PPP4R2: variants seen among roughly 807,000 people sequenced by gnomAD.
PPP4R2 encodes serine/threonine-protein phosphatase 4 regulatory subunit 2.
In PPP4R2, 13 loss-of-function variants were observed where a neutral mutation model predicts 47.2. The observed-to-expected ratio is 0.28, with a 90% confidence interval of 0.18 to 0.44. The LOEUF (loss-of-function observed/expected upper bound fraction) is 0.44, where lower values mean the gene tolerates loss of function less well. PPP4R2 is among the 20% of genes least tolerant of loss of function. PPP4R2 has a pLI of 1.00. For missense variants in PPP4R2, 421 were observed against 491.2 expected (o/e 0.86, Z 1.35); for synonymous variants, 151 against 163.3 (o/e 0.92, Z 0.57).
At chr3:73,059,000 C>A in intron 3 of PPP4R2, 37 bp from the exon 4 acceptor site, 2 of 1,204,848 alleles carry the variant, frequency 1.7e-6, no homozygotes, top group Non-Finnish European at 2.4e-6. Context: ...TCTTGATTAT[C>A]AGTGATCTCA....
rs764547592 is a variant in PPP4R2, at chr3:73,063,721, T to C, written c.468T>C (p.Pro156=). 12 of 1,595,594 alleles carry C rather than the reference T, an allele frequency of 7.5e-6. No individual in the cohort carries two copies. The African/African-American group carries it at 1.6e-4, about 21-fold the overall frequency. The change falls in exon 6 of 9, where the codon CCT becomes CCC. Residue 156 remains proline (P), a synonymous_variant. Coordinates refer to ENST00000356692, the MANE Select transcript of PPP4R2 (RefSeq NM_174907.4). ...ATCGAATGAATGGTGTTATGTTTCC[T>C]GGAAATTCACCAAGCTATACTGAGA... The part of the protein sequence containing the change: ...SLNRMNGVMF[P]GNSPSYTERS...
intron 2 of PPP4R2, among the ~76,000 whole-genome samples, chr3:73,006,715 G>A (rs568935347): frequency 2.0e-5 from 3 of 152,298 alleles, no homozygotes; most frequent in Admixed American, 6.5e-5. Context: ...GACCTGCTTC[G>A]TCTTTTCGAA....
chr3:73,063,937 C>T, intron 6 of PPP4R2, 66 bp from the exon 7 acceptor site: 1 of 1,425,330 alleles, frequency 7.0e-7, no homozygotes, highest in East Asian at 2.3e-5. Flanking sequence ...GTATTCACAT[C>T]AACATACCTT....
intron 1 of PPP4R2, 42 bp downstream of exon 1, chr3:72,997,113 C>T (rs1230544260): frequency 6.1e-6 from 8 of 1,314,076 alleles, no homozygotes; most frequent in East Asian, 3.1e-5. Context: ...TCACCTTCTC[C>T]GGCTCGCTCT....
chr3:73,064,199 C>T lies in PPP4R2; in HGVS notation c.638+53C>T, dbSNP rs1248427847. On this transcript the variant is annotated intron_variant, in intron 7 of 8. Coordinates refer to ENST00000356692, the MANE Select transcript of PPP4R2 (RefSeq NM_174907.4). ...TGTTTTTATTAAAAGTTAAAGTTAA[C>T]ATTTAATCAGTACTTATCACTTACT... 4 of 1,467,328 alleles carry T rather than the reference C, an allele frequency of 2.7e-6. No homozygotes were observed. In the African/African-American group the frequency reaches 5.7e-5, roughly 21 times the overall value. 90.9% of individuals were successfully genotyped at this position (1,467,328 alleles called of 1,614,324 possible). A position where few individuals can be genotyped will look rare whatever the true frequency, so the allele number is the denominator to read the frequency against.
chr3:73,062,253 A>T, intron 5 of PPP4R2: 1 of 1,600,106 alleles, frequency 6.2e-7, no homozygotes, highest in Non-Finnish European at 8.5e-7. Flanking sequence ...CTCACAGCCC[A>T]GCAGCCCAGG....
intron 3 of PPP4R2, among the ~76,000 whole-genome samples, chr3:73,049,929 ATTTTG>A (rs917754133): frequency 5.3e-5 from 8 of 151,844 alleles, no homozygotes; most frequent in African/African-American, 9.7e-5. Context: ...GTATTTTGAA[ATTTTG>A]TTTTGTTTTG....
chr3:73,051,568 G>GT (rs1255159370), intron 3 of PPP4R2, among the ~76,000 whole-genome samples: 1 of 152,104 alleles, frequency 6.6e-6, no homozygotes, highest in Non-Finnish European at 1.5e-5. Context: ...GTATTTTGCC[G>GT]TAAGAAAGAT....
In PPP4R2 at chr3:73,067,872, GA is replaced by G. The variant is rs1703033173; in HGVS notation, c.*2151del. 1 of 152,154 alleles carries G rather than the reference GA, an allele frequency of 6.6e-6. No individual in the cohort carries two copies. Among genetic ancestry groups the G allele is most frequent in the African/African-American group, 2.4e-5 (1 of 41,450 alleles). 9.4% of individuals were successfully genotyped at this position (152,154 alleles called of 1,614,324 possible). A position where few individuals can be genotyped will look rare whatever the true frequency, so the allele number is the denominator to read the frequency against. Reference sequence around the variant, plus strand: ...ACAATAATGGTGAATGTACCAAAATGACATCACTTAACTCTATGAGAGATCT... The same window carrying G: ...ACAATAATGGTGAATGTACCAAAATGCATCACTTAACTCTATGAGAGATCT... On this transcript the variant is annotated 3_prime_UTR_variant, in exon 9 of 9. Coordinates refer to ENST00000356692, the MANE Select transcript of PPP4R2 (RefSeq NM_174907.4).
At position 73,067,233 on chromosome 3, in the gene PPP4R2, C is replaced by T. The variant is rs1463237809; in HGVS notation, c.*1511C>T. The T allele has an allele frequency of 1.3e-5, 2 of 152,026 alleles. No individual in the cohort carries two copies. The highest frequency in any genetic ancestry group is 2.4e-5 in the African/African-American group (1 of 41,416). 9.4% of individuals were successfully genotyped at this position (152,026 alleles called of 1,614,324 possible). The stretch of plus-strand genomic sequence containing the variant: ...TTTATCAAAATATGAAAGAATCCCC[C>T]CTTTTTTAGTTTCAGATACCTGAAC... On this transcript the variant is annotated 3_prime_UTR_variant, in exon 9 of 9. Coordinates refer to ENST00000356692, the MANE Select transcript of PPP4R2 (RefSeq NM_174907.4).
intron 2 of PPP4R2, among the ~76,000 whole-genome samples, chr3:73,035,076 A>G (rs1413131959): frequency 1.3e-5 from 2 of 152,150 alleles, no homozygotes; most frequent in Non-Finnish European, 2.9e-5. Context: ...AAGGAATTCA[A>G]CTCAAAAGCA....
At chr3:73,062,346 G>T (rs779877787) in intron 5 of PPP4R2, 12 of 1,607,516 alleles carry the variant, frequency 7.5e-6, no homozygotes, top group Non-Finnish European at 1.0e-5. Context: ...GTATCCACTG[G>T]ATGCATTGGA....
rs1054132150 is a variant in PPP4R2, at chr3:73,026,133, C to G, written c.117-21053C>G. Among the ~76,000 whole-genome samples the G allele has an allele frequency of 2.6e-5, 4 of 152,122 alleles. No individual in the cohort carries two copies. In the South Asian group the frequency reaches 6.2e-4, roughly 24 times the overall value. ...ATCTTTCTGCACCTTCTCCCTTGCTCAAGTTAAAGTTCTTATGAGATTTAA... is the reference window on the plus strand; with the variant it reads ...ATCTTTCTGCACCTTCTCCCTTGCTGAAGTTAAAGTTCTTATGAGATTTAA... On this transcript the variant is annotated intron_variant, in intron 2 of 8. Coordinates refer to ENST00000356692, the MANE Select transcript of PPP4R2 (RefSeq NM_174907.4).
At chr3:73,018,456 T>C (rs560571390) in intron 2 of PPP4R2, among the ~76,000 whole-genome samples, 1 of 114,706 alleles carries the variant, frequency 8.7e-6, no homozygotes, top group Non-Finnish European at 2.0e-5. Flanking sequence ...ATGTTATTTA[T>C]GTTATGTTAG....
Position 73,064,079 on chromosome 3 carries a change from A to C in PPP4R2, c.571A>C (p.Asn191His). ...TTCTTTGTCAGCCCCCATGACAACA[A>C]ATGGGTTGCCTGAGAGCACAGACAG... ...KVSLSAPMTT[N>H]GLPESTDSKE... The change falls in exon 7 of 9, where the codon AAT becomes CAT. Residue 191 changes from asparagine to histidine, a missense_variant. Coordinates refer to ENST00000356692, the MANE Select transcript of PPP4R2 (RefSeq NM_174907.4). 6.2e-7 allele frequency: 1 copy of C among 1,613,700 alleles called. No homozygotes were observed. The highest frequency in any genetic ancestry group is 8.5e-7 in the Non-Finnish European group (1 of 1,179,798).
At chr3:73,004,384 C>A (rs1424886834) in intron 2 of PPP4R2, among the ~76,000 whole-genome samples, 1 of 152,138 alleles carries the variant, frequency 6.6e-6, no homozygotes, top group Non-Finnish European at 1.5e-5. Flanking sequence ...GAAGTAAAAT[C>A]TTTGGTTCAC....
chr3:73,001,636 T>G (rs1007131795), intron 2 of PPP4R2, among the ~76,000 whole-genome samples: 6 of 152,044 alleles, frequency 3.9e-5, no homozygotes, highest in African/African-American at 1.2e-4. Flanking sequence ...TTAGTTTTCT[T>G]TCTTCTTTTT....
chr3:73,053,978 T>C (rs1702675543), intron 3 of PPP4R2, among the ~76,000 whole-genome samples: 1 of 152,068 alleles, frequency 6.6e-6, no homozygotes, highest in South Asian at 2.1e-4. Context: ...TGAATTTTCT[T>C]TTGGTGGGGA....
chr3:73,015,484 T>C (rs1347150035), intron 2 of PPP4R2, among the ~76,000 whole-genome samples: 1 of 129,558 alleles, frequency 7.7e-6, no homozygotes, highest in East Asian at 2.2e-4. Context: ...CTACTGTCTT[T>C]TTTTTTTTTT....
Sources: allele counts gnomAD v4.1 joint callset (sites outside exome capture counted in the v4.1 genomes callset), GRCh38; gene constraint gnomAD v4.1.1; transcripts MANE v1.5; gene names NCBI Gene and HGNC (gene_info 2026-07-23, HGNC 2026-07-21).